Variants in PON2 observed in about 807,000 individuals in gnomAD.
The protein encoded by PON2 is serum paraoxonase/arylesterase 2.
A neutral mutation model predicts 36.6 loss-of-function variants in PON2; 27 were observed. The observed-to-expected ratio is 0.74, with a 90% confidence interval of 0.54 to 1.02. The LOEUF (loss-of-function observed/expected upper bound fraction) is 1.02. Ranked by LOEUF, PON2 falls within the 50% of genes least tolerant of loss-of-function variation. The pLI is 0.00. For missense variants in PON2, 363 were observed against 421.1 expected (o/e 0.86, Z 1.21); for synonymous variants, 149 against 156.3 (o/e 0.95, Z 0.35).
At chr7:95,425,826 T>C (rs193062787) in intron 1 of PON2, among the ~76,000 whole-genome samples, 1 of 152,250 alleles carries the variant, frequency 6.6e-6, no homozygotes, top group Non-Finnish European at 1.5e-5. Flanking sequence ...TTAAATTTTT[T>C]GAAACAATAT....
chr7:95,406,728 C>T (rs1251334060), intron 7 of PON2, among the ~76,000 whole-genome samples: 1 of 152,140 alleles, frequency 6.6e-6, no homozygotes, highest in African/African-American at 2.4e-5. Flanking sequence ...TATTGGAATT[C>T]TTCCACTGCC....
chr7:95,411,824 G>C (rs369705397), intron 4 of PON2, 45 bp from the exon 5 acceptor site: 2 of 1,602,880 alleles, frequency 1.2e-6, no homozygotes, highest in Non-Finnish European at 1.7e-6. Flanking sequence ...ACATAACTAC[G>C]GGACCTCTGG....
intron 6 of PON2, among the ~76,000 whole-genome samples, chr7:95,407,577 G>A (rs867474499): frequency 6.6e-6 from 1 of 152,128 alleles, no homozygotes; most frequent in African/African-American, 2.4e-5. Flanking sequence ...AAAGGTGAGT[G>A]AATTAACAGA....
At chr7:95,434,614 C>CT (rs1487959463) in intron 1 of PON2, among the ~76,000 whole-genome samples, 4 of 152,228 alleles carry the variant, frequency 2.6e-5, no homozygotes, top group Non-Finnish European at 5.9e-5. Flanking sequence ...CAGAAGAGAA[C>CT]TTTGTTAGCA....
chr7:95,430,172 T>C (rs1354504826), intron 1 of PON2, among the ~76,000 whole-genome samples: 2 of 152,058 alleles, frequency 1.3e-5, no homozygotes, highest in Non-Finnish European at 2.9e-5. Context: ...TGGTTTAATA[T>C]AAAGAAATTT....
In PON2 at chr7:95,434,877, C is replaced by A; in HGVS notation, c.74+1G>T. ...GAGGGGCGCGCGGGAGTCCCACCTA[C>A]CTGAGTGCCAGAAGCCTCTCGCCCA... On this transcript the variant is annotated splice_donor_variant, in intron 1 of 8. Transcript: ENST00000222572. LOFTEE classifies it high-confidence loss of function. 1 of 1,540,372 alleles carries A rather than the reference C, an allele frequency of 6.5e-7. No homozygotes were observed. The highest frequency in any genetic ancestry group is 8.7e-7 in the Non-Finnish European group (1 of 1,145,146).
chr7:95,434,667 C>T (rs1048450927), intron 1 of PON2, among the ~76,000 whole-genome samples: 2 of 152,206 alleles, frequency 1.3e-5, no homozygotes, highest in African/African-American at 4.8e-5. Flanking sequence ...CGATTCACTC[C>T]AAACTTTGCT....
intron 1 of PON2, among the ~76,000 whole-genome samples, chr7:95,431,096 A>T (rs1364928380): frequency 6.6e-6 from 1 of 151,994 alleles, no homozygotes; most frequent in Non-Finnish European, 1.5e-5. Flanking sequence ...CCTTGACACC[A>T]GGAACTGGCC....
rs756312659 is a variant in PON2, at chr7:95,405,319, A to G, written c.*11T>C. 44 of 1,612,272 alleles carry G rather than the reference A, an allele frequency of 2.7e-5. No individual in the cohort carries two copies. The highest frequency in any genetic ancestry group is 3.6e-5 in the Non-Finnish European group (43 of 1,178,556). ...TGTTAAGTTATCGCACTTTCATGCC[A>G]AAAGTACAATTTAGAGTTCACAATA... On this transcript the variant is annotated 3_prime_UTR_variant, in exon 9 of 9. Coordinates refer to ENST00000222572, the MANE Select transcript of PON2 (RefSeq NM_000305.3).
At chr7:95,427,340 C>T (rs1453066571) in intron 1 of PON2, among the ~76,000 whole-genome samples, 1 of 152,128 alleles carries the variant, frequency 6.6e-6, no homozygotes, top group Non-Finnish European at 1.5e-5. Context: ...TGCCCAACCC[C>T]CTTTCTTTCT....
chr7:95,429,156 T>C (rs867455202), intron 1 of PON2, among the ~76,000 whole-genome samples: 8 of 151,846 alleles, frequency 5.3e-5, no homozygotes, highest in African/African-American at 1.7e-4. Flanking sequence ...TTACATTAGG[T>C]ATATCTCCTA....
At position 95,415,222 on chromosome 7, in the gene PON2, T is replaced by A. The variant is rs949055629; in HGVS notation, c.201+1020A>T. ...TGAAGATGCCAAGAACTCCTATGTC[T>A]GCCCAAGCCAGGGAGGTAGGTGGTC... On this transcript the variant is annotated intron_variant, in intron 3 of 8. Transcript: ENST00000222572. The A allele has an allele frequency of 2.0e-5, 3 of 152,344 alleles. No homozygotes were observed. In the South Asian group the frequency reaches 6.2e-4, roughly 32 times the overall value. 9.4% of individuals were successfully genotyped at this position (152,344 alleles called of 1,614,324 possible). A position where few individuals can be genotyped will look rare whatever the true frequency, so the allele number is the denominator to read the frequency against.
intron 1 of PON2, among the ~76,000 whole-genome samples, chr7:95,426,763 T>C (rs1789326847): frequency 6.6e-6 from 1 of 152,254 alleles, no homozygotes. Flanking sequence ...AGCAATAGGA[T>C]GTAACTGCTG....
intron 1 of PON2, among the ~76,000 whole-genome samples, chr7:95,427,414 T>A (rs187328944): frequency 6.8e-4 from 103 of 152,300 alleles, no homozygotes; most frequent in African/African-American, 2.4e-3. Context: ...CTCCGCTGTA[T>A]TGAGGTGTAG....
intron 6 of PON2, among the ~76,000 whole-genome samples, chr7:95,408,938 C>G (rs1298133249): frequency 1.3e-5 from 2 of 152,120 alleles, no homozygotes; most frequent in African/African-American, 2.4e-5. Flanking sequence ...GCTCATAGAA[C>G]CATTTAGCCA....
chr7:95,430,252 G>T (rs977527164), intron 1 of PON2, among the ~76,000 whole-genome samples: 1 of 151,930 alleles, frequency 6.6e-6, no homozygotes, highest in African/African-American at 2.4e-5. Context: ...ATCACTTATG[G>T]CTAGAAGTTT....
chr7:95,411,815 C>A (rs1169715145), intron 4 of PON2, 36 bp from the exon 5 acceptor site: 4 of 1,609,680 alleles, frequency 2.5e-6, no homozygotes, highest in Non-Finnish European at 3.4e-6. Context: ...ATTTACAAGA[C>A]ATAACTACGG....
In PON2 at chr7:95,426,510, G is replaced by A. The variant is rs151299515; in HGVS notation, c.75-1925C>T. 4.2e-3 allele frequency among the ~76,000 whole-genome samples: 633 copies of A among 152,286 alleles called. 7 individuals are homozygous for A. The highest frequency in any genetic ancestry group is 0.014 in the African/African-American group (587 of 41,564). On this transcript the variant is annotated intron_variant, in intron 1 of 8. Transcript: ENST00000222572. ...GAATCAGACAAAACAATTTTCCCAC[G>A]GCGCAACTTAGCCAGAAGTGCTGGA...
chr7:95,422,543 GT>G, intron 2 of PON2, among the ~76,000 whole-genome samples: 1 of 152,238 alleles, frequency 6.6e-6, no homozygotes, highest in Non-Finnish European at 1.5e-5. Flanking sequence ...CTAGTATTAA[GT>G]ACAAAAAGCT....
Sources: allele counts gnomAD v4.1 joint callset (sites outside exome capture counted in the v4.1 genomes callset), GRCh38; gene constraint gnomAD v4.1.1; transcripts MANE v1.5; gene names NCBI Gene and HGNC (gene_info 2026-07-23, HGNC 2026-07-21).